ULK4: variants seen among roughly 807,000 people sequenced by gnomAD.
The protein encoded by ULK4 is unc-51 like kinase 4, also known as inactive serine/threonine-protein kinase ULK4.
ULK4 carries 133 observed loss-of-function variants against 160.6 expected under a neutral mutation model. The ratio of observed to expected loss-of-function variants is 0.83; its 90% CI spans 0.72 to 0.96. The LOEUF (loss-of-function observed/expected upper bound fraction) is 0.96, where lower values mean the gene tolerates loss of function less well. Ranked by LOEUF, ULK4 falls within the 40% of genes least tolerant of loss-of-function variation. The pLI is 0.00. For synonymous variants in ULK4, 534 were observed against 539.8 expected, an observed-to-expected ratio of 0.99 and a Z score of 0.15; for missense variants, 1,580 against 1,499.5, an observed-to-expected ratio of 1.05 and a Z score of -0.89.
At chr3:41,923,980 C>T (rs1258214435) in intron 5 of ULK4, among the ~76,000 whole-genome samples, 1 of 152,154 alleles carries the variant, frequency 6.6e-6, no homozygotes, top group Admixed American at 6.5e-5. Context: ...TATCTTTACA[C>T]AGGAAATTAA....
chr3:41,797,172 T>C (rs994775984), intron 20 of ULK4, among the ~76,000 whole-genome samples: 6 of 150,410 alleles, frequency 4.0e-5, no homozygotes, highest in Admixed American at 2.0e-4. Flanking sequence ...ATAATTTGCA[T>C]AGCTCATGAT....
At chr3:41,957,720 A>G (rs886314475) in intron 1 of ULK4, among the ~76,000 whole-genome samples, 3 of 151,860 alleles carry the variant, frequency 2.0e-5, no homozygotes, top group Non-Finnish European at 4.4e-5. Context: ...CTCAGAAAAA[A>G]AAAAAAAATT....
At chr3:41,264,911 A>C (rs761351771) in intron 35 of ULK4, among the ~76,000 whole-genome samples, 26 of 152,194 alleles carry the variant, frequency 1.7e-4, no homozygotes, top group Non-Finnish European at 3.4e-4. Context: ...TACTGAGCAA[A>C]AACACCTCTG....
intron 17 of ULK4, among the ~76,000 whole-genome samples, chr3:41,862,903 T>C (rs1328071356): frequency 6.6e-6 from 1 of 151,346 alleles, no homozygotes; most frequent in Non-Finnish European, 1.5e-5. Context: ...CAGCACTGGG[T>C]CAGACCTGAG....
chr3:41,299,123 A>C (rs1454183658), intron 35 of ULK4, among the ~76,000 whole-genome samples: 1 of 152,218 alleles, frequency 6.6e-6, no homozygotes, highest in East Asian at 1.9e-4. Context: ...GATGTTGTGC[A>C]GATCCAAGCC....
At chr3:41,400,933 C>T (rs978734093) in intron 34 of ULK4, among the ~76,000 whole-genome samples, 2 of 152,176 alleles carry the variant, frequency 1.3e-5, no homozygotes, top group Non-Finnish European at 2.9e-5. Context: ...CTAATGGCAA[C>T]TGATAGTGAA....
At chr3:41,854,028 C>G (rs1033959574) in intron 17 of ULK4, 2 of 152,208 alleles carry the variant, frequency 1.3e-5, no homozygotes, top group African/African-American at 4.8e-5. Flanking sequence ...CTCGAAGTGC[C>G]TGCTTTCAGT....
intron 17 of ULK4, among the ~76,000 whole-genome samples, chr3:41,879,757 C>T (rs1442537508): frequency 1.3e-5 from 2 of 152,104 alleles, no homozygotes; most frequent in Admixed American, 6.5e-5. Flanking sequence ...GGATTACAGC[C>T]GTGAGTCACC....
chr3:41,857,751 T>C (rs992274072), intron 17 of ULK4, among the ~76,000 whole-genome samples: 1 of 152,240 alleles, frequency 6.6e-6, no homozygotes, highest in African/African-American at 2.4e-5. Flanking sequence ...TTTATTGGCA[T>C]ATAGTTGACA....
intron 30 of ULK4, among the ~76,000 whole-genome samples, chr3:41,655,496 G>A (rs1445170596): frequency 2.0e-5 from 3 of 151,938 alleles, no homozygotes. Flanking sequence ...TCTGTACGTT[G>A]TGCACATGTA....
At chr3:41,945,462 C>T (rs79519124) in intron 2 of ULK4, among the ~76,000 whole-genome samples, 233 of 152,290 alleles carry the variant, frequency 1.5e-3, no homozygotes, top group African/African-American at 5.4e-3. Flanking sequence ...CACAGTTACC[C>T]ACACTCTCCA....
At chr3:41,933,067 A>T (rs1488716012) in intron 4 of ULK4, among the ~76,000 whole-genome samples, 3 of 152,202 alleles carry the variant, frequency 2.0e-5, no homozygotes, top group Admixed American at 2.0e-4. Context: ...AATAAAGGCA[A>T]TGTGAAGTTA....
At chr3:41,495,828 A>G (rs911318980) in intron 32 of ULK4, among the ~76,000 whole-genome samples, 1 of 152,046 alleles carries the variant, frequency 6.6e-6, no homozygotes, top group Non-Finnish European at 1.5e-5. Context: ...ACATGAAAAA[A>G]TGCTCATCAT....
chr3:41,950,033 G>C (rs1397289229), intron 2 of ULK4, among the ~76,000 whole-genome samples: 2 of 151,862 alleles, frequency 1.3e-5, no homozygotes, highest in Non-Finnish European at 2.9e-5. Context: ...ACCACACCTG[G>C]CACGGTCTGA....
chr3:41,397,108 C>G (rs1469673731), intron 35 of ULK4, among the ~76,000 whole-genome samples: 1 of 152,084 alleles, frequency 6.6e-6, no homozygotes, highest in African/African-American at 2.4e-5. Context: ...CACAGACTGA[C>G]AAACCAGAAG....
chr3:41,377,265 A>G (rs1475027288), intron 35 of ULK4, among the ~76,000 whole-genome samples: 1 of 152,222 alleles, frequency 6.6e-6, no homozygotes, highest in Non-Finnish European at 1.5e-5. Flanking sequence ...TAAAACCATA[A>G]AAACCCTAGA....
At chr3:41,517,878 G>C (rs1282106582) in intron 32 of ULK4, among the ~76,000 whole-genome samples, 3 of 152,166 alleles carry the variant, frequency 2.0e-5, no homozygotes, top group African/African-American at 7.2e-5. Flanking sequence ...AAAGGTAATT[G>C]TGTAATTAAA....
intron 18 of ULK4, among the ~76,000 whole-genome samples, chr3:41,825,866 T>G (rs547100413): frequency 6.6e-6 from 1 of 152,090 alleles, no homozygotes; most frequent in South Asian, 2.1e-4. Flanking sequence ...GTCAGATTCA[T>G]GAAAGTTGAA....
chr3:41,370,772 G>T (rs576907677), intron 35 of ULK4, among the ~76,000 whole-genome samples: 1 of 152,142 alleles, frequency 6.6e-6, no homozygotes, highest in South Asian at 2.1e-4. Flanking sequence ...CCCCAGTGGC[G>T]CCTGGAACGT....
Sources: allele counts gnomAD v4.1 joint callset (sites outside exome capture counted in the v4.1 genomes callset), GRCh38; gene constraint gnomAD v4.1.1; transcripts MANE v1.5; gene names NCBI Gene and HGNC (gene_info 2026-07-23, HGNC 2026-07-21).